The following COL22A1 variants were observed in gnomAD, a reference collection of about 807,000 sequenced individuals.
COL22A1 encodes the protein collagen type XXII alpha 1 chain.
COL22A1 carries 221 observed loss-of-function variants against 248.9 expected under a neutral mutation model. The observed-to-expected ratio is 0.89, with a 90% CI of 0.80 to 0.99. The LOEUF is 0.99. Ranked by LOEUF, COL22A1 falls within the 50% of genes least tolerant of loss-of-function variation. The pLI is 0.00. For synonymous variants in COL22A1, 891 were observed against 793.4 expected, an observed-to-expected ratio of 1.12 and a Z score of -2.07; for missense variants, 2,240 against 2,179.0, an observed-to-expected ratio of 1.03 and a Z score of -0.56.
intron 35 of COL22A1, among the ~76,000 whole-genome samples, chr8:138,692,129 C>CGT (rs796482901): frequency 0.015 from 38 of 2,582 alleles, no homozygotes; most frequent in Admixed American, 0.023. Flanking sequence ...TATGTGTGTA[C>CGT]GTGTGTGCAT....
In COL22A1 at chr8:138,646,653, C is replaced by T. The variant is rs373272437; in HGVS notation, c.3477G>A (p.Gly1159=). 1.7e-5 allele frequency: 27 copies of T among 1,583,756 alleles called. No individual in the cohort carries two copies. In the African/African-American group the frequency reaches 3.2e-4, roughly 19 times the overall value. The change falls in exon 47 of 65, where the codon GGG becomes GGA. Residue 1159 remains glycine, a synonymous_variant. Coordinates refer to ENST00000303045, the MANE Select transcript of COL22A1 (RefSeq NM_152888.3). ...KGEAGPPGLP[G]PPGIAGPQGS... is the part of the protein sequence containing the mutation. ...CCTGTGGTCCAGCTATTCCTGGGGG[C>T]CCTGGTAGGCCTGGAGGCCCAGCCT...
intron 49 of COL22A1, among the ~76,000 whole-genome samples, chr8:138,631,800 T>C (rs1204872101): frequency 3.3e-5 from 5 of 152,102 alleles, no homozygotes; most frequent in African/African-American, 9.7e-5. Flanking sequence ...CCCTTCCTCA[T>C]CCCTGCCCTG....
chr8:138,797,277 G>A (rs988340845), intron 11 of COL22A1, among the ~76,000 whole-genome samples: 1 of 152,040 alleles, frequency 6.6e-6, no homozygotes, highest in Non-Finnish European at 1.5e-5. Flanking sequence ...CTAGCTCTAG[G>A]AAAACATTAA....
At chr8:138,594,845 C>T (rs1468866448) in intron 62 of COL22A1, among the ~76,000 whole-genome samples, 1 of 152,120 alleles carries the variant, frequency 6.6e-6, no homozygotes, top group East Asian at 1.9e-4. Flanking sequence ...GTCACTTTTC[C>T]TCTCCGATGT....
rs186122528 is a variant in COL22A1, at chr8:138,871,740, G to A, written c.658+6010C>T. ...AAAAGAGTGGGTAAAAGCATCCGCT[G>A]TTGTGAGATATTACCTGTAAATGTT... On this transcript the variant is annotated intron_variant, in intron 3 of 64. Transcript: ENST00000303045. Among the ~76,000 whole-genome samples, 341 of 152,298 alleles carry A rather than the reference G, an allele frequency of 2.2e-3. 1 individual carries two copies. Among genetic ancestry groups the A allele is most frequent in the Non-Finnish European group, 3.8e-3 (260 of 68,028 alleles).
intron 16 of COL22A1, among the ~76,000 whole-genome samples, chr8:138,767,989 T>C (rs991979689): frequency 1.1e-4 from 17 of 152,150 alleles, no homozygotes; most frequent in African/African-American, 3.9e-4. Context: ...TCCCCTGAAA[T>C]CGGCTGCAGC....
intron 49 of COL22A1, among the ~76,000 whole-genome samples, chr8:138,632,451 T>C (rs1288978332): frequency 6.6e-6 from 1 of 152,228 alleles, no homozygotes; most frequent in African/African-American, 2.4e-5. Flanking sequence ...AAGTGTCTAT[T>C]GTCCACCCAC....
chr8:138,608,081 T>G, intron 56 of COL22A1, 92 bp from the exon 57 acceptor site: 1 of 1,151,236 alleles, frequency 8.7e-7, no homozygotes, highest in African/African-American at 1.5e-5. Context: ...GGACTTGGTT[T>G]TACACAGAAT....
Position 138,648,423 on chromosome 8 carries a change from T to C in COL22A1, c.3447+1242A>G, listed in dbSNP as rs1241826790. ...TTCCCTGTACCATGTATGGGTAAAATACAAACCACAAATAAGAGGCTTAAC... is the reference window on the plus strand; with the variant it reads ...TTCCCTGTACCATGTATGGGTAAAACACAAACCACAAATAAGAGGCTTAAC... On this transcript the variant is annotated intron_variant, in intron 46 of 64. Coordinates refer to ENST00000303045, the MANE Select transcript of COL22A1 (RefSeq NM_152888.3). Among the ~76,000 whole-genome samples the C allele has an allele frequency of 3.3e-5, 5 of 152,194 alleles. No homozygotes were observed. The East Asian group carries it at 9.6e-4, about 29-fold the overall frequency.
intron 1 of COL22A1, among the ~76,000 whole-genome samples, chr8:138,899,135 CCT>C (rs1039909109): frequency 6.6e-6 from 1 of 152,106 alleles, no homozygotes; most frequent in African/African-American, 2.4e-5. Context: ...TCCTCTTCCC[CCT>C]CTTTATTCTC....
chr8:138,692,246 A>AGG (rs1564201589), intron 35 of COL22A1, among the ~76,000 whole-genome samples: 24 of 7,980 alleles, frequency 3.0e-3, no homozygotes, highest in Non-Finnish European at 4.2e-3. Context: ...ATGTTTGTGG[A>AGG]CGTATGTGTG....
chr8:138,773,354 C>T (rs73361028), intron 16 of COL22A1, among the ~76,000 whole-genome samples: 10,635 of 152,222 alleles, frequency 0.07, 1,199 homozygotes, highest in African/African-American at 0.24. Flanking sequence ...ATGACCAAGG[C>T]ACTAGGAGTC....
chr8:138,786,558 C>A (rs1371690896), intron 12 of COL22A1, among the ~76,000 whole-genome samples: 1 of 152,152 alleles, frequency 6.6e-6, no homozygotes, highest in Non-Finnish European at 1.5e-5. Context: ...TTGTGATAGA[C>A]CTTCCAAAAT....
chr8:138,721,902 T>C (rs1829893372), intron 26 of COL22A1, 134 bp downstream of exon 26: 11 of 766,328 alleles, frequency 1.4e-5, no homozygotes, highest in Admixed American at 6.1e-5. Context: ...ACCCCATAAA[T>C]CCAAACATTT....
chr8:138,802,665 G>C lies in COL22A1; in HGVS notation c.1557+207C>G, dbSNP rs570360766. On this transcript the variant is annotated intron_variant, in intron 11 of 64. Coordinates refer to ENST00000303045, the MANE Select transcript of COL22A1 (RefSeq NM_152888.3). The stretch of plus-strand genomic sequence containing the variant: ...CTGGTTATGGGGTGGCAAGAGACAA[G>C]GCTAGAGAGTCCGCCAAGACCATAT... 3.3e-5 allele frequency among the ~76,000 whole-genome samples: 5 copies of C among 152,294 alleles called. No homozygotes were observed. The South Asian group carries it at 1.0e-3, about 32-fold the overall frequency.
intron 3 of COL22A1, among the ~76,000 whole-genome samples, chr8:138,874,568 C>T (rs978229228): frequency 2.6e-5 from 4 of 152,120 alleles, no homozygotes; most frequent in Non-Finnish European, 5.9e-5. Context: ...GCCAGGCCTG[C>T]TGGGTAATAA....
In COL22A1 at chr8:138,722,857, GGGGT is replaced by G. The variant is rs1365515842; in HGVS notation, c.2248-772_2248-769del. Among the ~76,000 whole-genome samples, 5 of 125,262 alleles carry G rather than the reference GGGGT, an allele frequency of 4.0e-5. 1 individual carries two copies. Among genetic ancestry groups the G allele is most frequent in the African/African-American group, 1.5e-4 (5 of 33,774 alleles). 82.2% of individuals were successfully genotyped at this position (125,262 alleles called of 152,430 possible). On this transcript the variant is annotated intron_variant, in intron 25 of 64. Coordinates refer to ENST00000303045, the MANE Select transcript of COL22A1 (RefSeq NM_152888.3). The stretch of plus-strand genomic sequence containing the variant: ...TATCGGGTCACATGGGGGCGGGGGG[GGGGT>G]GGTGGAAAACACACCCTGGGGCCTG...
intron 1 of COL22A1, among the ~76,000 whole-genome samples, chr8:138,895,344 C>T (rs974773870): frequency 1.3e-5 from 2 of 152,014 alleles, no homozygotes; most frequent in Admixed American, 6.6e-5. Flanking sequence ...GCTGGAATAA[C>T]CCAAATTTTG....
At chr8:138,627,255 C>T (rs1820320904) in intron 50 of COL22A1, among the ~76,000 whole-genome samples, 1 of 152,136 alleles carries the variant, frequency 6.6e-6, no homozygotes, top group Non-Finnish European at 1.5e-5. Flanking sequence ...TTCCTGGATG[C>T]TTATTTTTCA....
Sources: gnomAD v4.1 joint callset for allele counts (sites outside exome capture counted in the v4.1 genomes callset) on GRCh38, gnomAD v4.1.1 for gene constraint, MANE v1.5 for transcripts, NCBI Gene and HGNC (gene_info 2026-07-23, HGNC 2026-07-21) for gene names.